The following QSOX2 variants were observed in gnomAD, a reference collection of about 807,000 sequenced individuals.
The protein encoded by QSOX2 is quiescin sulfhydryl oxidase 2.
Under a neutral mutation model 61.7 loss-of-function variants are expected in QSOX2, and 46 were observed. The ratio of observed to expected loss-of-function variants is 0.75; its 90% CI spans 0.59 to 0.95. The LOEUF is 0.95. Ranked by LOEUF, QSOX2 falls within the 40% of genes least tolerant of loss-of-function variation. QSOX2 has a pLI of 0.00. For missense variants in QSOX2, 879 were observed against 918.9 expected, an observed-to-expected ratio of 0.96 and a Z score of 0.56; for synonymous variants, 383 against 388.4, an observed-to-expected ratio of 0.99 and a Z score of 0.16.
rs560443026 is a variant in QSOX2 at position 136,207,482 on chromosome 9, C to A, written c.*1246G>T. The A allele has an allele frequency of 6.6e-6, 1 of 152,332 alleles. No homozygotes were observed. Among genetic ancestry groups the A allele is most frequent in the Non-Finnish European group, 1.5e-5 (1 of 68,016 alleles). The allele number at this position is 152,332 out of a possible 1,614,324, so 9.4% of individuals were successfully genotyped here. A position where few individuals can be genotyped will look rare whatever the true frequency, so the allele number is the denominator to read the frequency against. ...ACACACCAATAGCCACAAAGAATCT[C>A]AATATAAATGTTCCCAGAAATAGTG... On this transcript the variant is annotated 3_prime_UTR_variant, in exon 12 of 12. Transcript: ENST00000358701.
At chr9:136,225,977 G>T (rs1398684864) in intron 2 of QSOX2, among the ~76,000 whole-genome samples, 1 of 152,230 alleles carries the variant, frequency 6.6e-6, no homozygotes, top group African/African-American at 2.4e-5. Flanking sequence ...GAGGCCCTGG[G>T]GCAGGGCTGA....
At chr9:136,239,023 G>C (rs1830413766) in intron 1 of QSOX2, among the ~76,000 whole-genome samples, 1 of 152,212 alleles carries the variant, frequency 6.6e-6, no homozygotes, top group Non-Finnish European at 1.5e-5. Context: ...AGTCTTGGCT[G>C]TCTCGGGTCC....
chr9:136,228,633 C>T (rs895934045), intron 1 of QSOX2, among the ~76,000 whole-genome samples: 2 of 152,180 alleles, frequency 1.3e-5, no homozygotes, highest in Non-Finnish European at 2.9e-5. Context: ...TGGCAGGGCA[C>T]GCCGCACCGT....
intron 1 of QSOX2, among the ~76,000 whole-genome samples, chr9:136,232,923 AAAAAAAAAAAAAAAAGAAAAAAG>A (rs1186132997): frequency 1.4e-5 from 2 of 147,616 alleles, no homozygotes; most frequent in Non-Finnish European, 3.0e-5. Context: ...GTCTCAAAAA[AAAAAAAAAAAAAAAAGAAAAAAG>A]AAAAAAAAAG....
At chr9:136,245,376 G>C in intron 1 of QSOX2, 100 bp downstream of exon 1, 2 of 988,924 alleles carry the variant, frequency 2.0e-6, no homozygotes, top group African/African-American at 1.7e-5. Flanking sequence ...AGAAATACGG[G>C]GGAGGGGCCC....
chr9:136,217,190 G>A (rs371091815), intron 8 of QSOX2, among the ~76,000 whole-genome samples: 47 of 152,394 alleles, frequency 3.1e-4, no homozygotes, highest in African/African-American at 1.1e-3. Flanking sequence ...GGCAGCCGGG[G>A]CTAACTGCCT....
At position 136,232,057 on chromosome 9, in the gene QSOX2, C is replaced by T. The variant is rs185351813; in HGVS notation, c.329-5183G>A. On this transcript the variant is annotated intron_variant, in intron 1 of 11. Transcript: ENST00000358701. ...GAGGAAACTAAGGAAGTCCTCACTT[C>T]GTGTCACTGACAGGCTCCTGGAAAC... 3.0e-4 allele frequency among the ~76,000 whole-genome samples: 46 copies of T among 152,312 alleles called. No individual in the cohort carries two copies. In the East Asian group the frequency reaches 5.2e-3, roughly 17 times the overall value.
rs1830242559 is a variant in QSOX2, at chr9:136,223,191, A to C, written c.675+572T>G. On this transcript the variant is annotated intron_variant, in intron 5 of 11. Coordinates refer to ENST00000358701, the MANE Select transcript of QSOX2 (RefSeq NM_181701.4). This position sits in a 1 kb window ranked among gnomAD's most constrained non-coding sequence, Gnocchi z 4.4. ...AGAAGCTCAGGGTGAGTGCTGGGCGAACGCATGTGCAGTGAGGCCTTTCTC... is the reference window on the plus strand; with the variant it reads ...AGAAGCTCAGGGTGAGTGCTGGGCGCACGCATGTGCAGTGAGGCCTTTCTC... Among the ~76,000 whole-genome samples, 1 of 152,280 alleles carries C rather than the reference A, an allele frequency of 6.6e-6. No homozygotes were observed. Among genetic ancestry groups the C allele is most frequent in the South Asian group, 2.1e-4 (1 of 4,830 alleles).
At position 136,209,634 on chromosome 9, in the gene QSOX2, C is replaced by T. The variant is rs76568639; in HGVS notation, c.1550-359G>A. The T allele has an allele frequency of 1.9e-3, 1,897 of 985,024 alleles. 4 individuals are homozygous for T. Among genetic ancestry groups the T allele is most frequent in the Non-Finnish European group, 2.0e-3 (1,679 of 829,630 alleles). The allele number at this position is 985,024 out of a possible 1,614,324, so 61.0% of individuals were successfully genotyped here. On this transcript the variant is annotated intron_variant, in intron 11 of 11. Transcript: ENST00000358701. This position sits in a 1 kb window ranked among gnomAD's most constrained non-coding sequence, Gnocchi z 5.6. ...CAGCTCTCACCTGGAGGCCTTTCTC[C>T]GCACAGTGCTGCCTGTGTGCCCCTC...
In QSOX2 at chr9:136,221,725, C is replaced by G. The variant is rs1046385755; in HGVS notation, c.821+71G>C. The G allele has an allele frequency of 2.7e-6, 4 of 1,475,236 alleles. No individual in the cohort carries two copies. The highest frequency in any genetic ancestry group is 1.4e-5 in the African/African-American group (1 of 70,824). 91.4% of individuals were successfully genotyped at this position (1,475,236 alleles called of 1,614,324 possible). On this transcript the variant is annotated intron_variant, in intron 6 of 11. Transcript: ENST00000358701. The surrounding 1 kb of genome is among the most constrained non-coding windows in gnomAD (Gnocchi z 4.5). ...CCCCCGATCTCACACCAGACTTGCA[C>G]TGTCTACTCGGAGCCTCTGTCCGGT...
chr9:136,226,682 C>T (rs577585380), intron 2 of QSOX2, 92 bp downstream of exon 2: 14 of 1,036,366 alleles, frequency 1.4e-5, no homozygotes, highest in African/African-American at 1.3e-4. Flanking sequence ...TATGATGTGG[C>T]GAATTTCAAC....
rs1554758425 is a variant in QSOX2, at chr9:136,245,594, G to C, written c.210C>G (p.Ser70Arg). 1.9e-6 allele frequency: 3 copies of C among 1,573,856 alleles called. No individual in the cohort carries two copies. The change falls in exon 1 of 12, where the codon AGC becomes AGG. Residue 70 changes from serine to arginine, a missense_variant. Ser to Arg is a moderately radical substitution (Grantham distance 110). Transcript: ENST00000358701. ...EDAVWVLDSG[S>R]VRGATANSSA... ...AGCTGTTGGCGGTGGCCCCGCGCACGCTGCCGCTGTCCAGCACCCACACGG... is the reference window on the plus strand; with the variant it reads ...AGCTGTTGGCGGTGGCCCCGCGCACCCTGCCGCTGTCCAGCACCCACACGG...
In QSOX2 at chr9:136,223,909, C is replaced by T; in HGVS notation, c.585-56G>A. 10 of 1,585,978 alleles carry T rather than the reference C, an allele frequency of 6.3e-6. No homozygotes were observed. The highest frequency in any genetic ancestry group is 6.9e-6 in the Non-Finnish European group (8 of 1,155,168). On this transcript the variant is annotated intron_variant, in intron 4 of 11. Transcript: ENST00000358701. The surrounding 1 kb of genome is among the most constrained non-coding windows in gnomAD (Gnocchi z 4.4). ...GCCGTCAACAGCAGCGAGTTGGCCA[C>T]CACATCCCAGTGGCCACATCACTTA...
Position 136,245,629 on chromosome 9 carries a change from C to T in QSOX2, c.175G>A (p.Gly59Ser). Reference sequence around the variant, plus strand: ...TCCAGCACCCACACGGCGTCCTCGCCCGCGCGGTACAGCCGCGCCGCACCG... The same window carrying T: ...TCCAGCACCCACACGGCGTCCTCGCTCGCGCGGTACAGCCGCGCCGCACCG... ...AGGAARLYRA[G>S]EDAVWVLDSG... is the part of the protein sequence containing the mutation. Residue 59 changes from glycine (G) to serine (S), a missense_variant, in exon 1 of 12, where the codon GGC becomes AGC. Gly to Ser is a moderately conservative substitution (Grantham distance 56). Transcript: ENST00000358701. The T allele has an allele frequency of 6.7e-7, 1 of 1,499,330 alleles. No homozygotes were observed. The highest frequency in any genetic ancestry group is 8.8e-7 in the Non-Finnish European group (1 of 1,133,526). The allele number at this position is 1,499,330 out of a possible 1,614,324, so 92.9% of individuals were successfully genotyped here.
At chr9:136,237,313 G>A (rs944073889) in intron 1 of QSOX2, among the ~76,000 whole-genome samples, 4 of 141,388 alleles carry the variant, frequency 2.8e-5, no homozygotes, top group Non-Finnish European at 4.6e-5. Flanking sequence ...CCCGTCCTGC[G>A]CCACACCTGG....
rs568000877 is a variant in QSOX2 at position 136,221,999 on chromosome 9, C to A, written c.676-58G>T. The A allele has an allele frequency of 2.0e-6, 3 of 1,489,682 alleles. No homozygotes were observed. The highest frequency in any genetic ancestry group is 2.8e-5 in the South Asian group (2 of 71,816). 92.3% of individuals were successfully genotyped at this position (1,489,682 alleles called of 1,614,324 possible). On this transcript the variant is annotated intron_variant, in intron 5 of 11. Coordinates refer to ENST00000358701, the MANE Select transcript of QSOX2 (RefSeq NM_181701.4). The surrounding 1 kb of genome is among the most constrained non-coding windows in gnomAD (Gnocchi z 4.5). Reference sequence around the variant, plus strand: ...GGGGCTGGCAGTTTCTCAGAAAACACGACGTGCAGACACATGGCCTTGCAG... The same window carrying A: ...GGGGCTGGCAGTTTCTCAGAAAACAAGACGTGCAGACACATGGCCTTGCAG...
At chr9:136,231,267 CGT>C (rs1240072455) in intron 1 of QSOX2, among the ~76,000 whole-genome samples, 5 of 152,178 alleles carry the variant, frequency 3.3e-5, no homozygotes, top group South Asian at 2.1e-4. Context: ...CTCCGACTAG[CGT>C]GTGACCAGAA....
At chr9:136,217,001 C>T (rs1000680803) in intron 8 of QSOX2, among the ~76,000 whole-genome samples, 2 of 152,246 alleles carry the variant, frequency 1.3e-5, no homozygotes, top group Non-Finnish European at 2.9e-5. Context: ...CCCACGGCCT[C>T]GCTCCGGCCA....
rs1831821162 is a variant in QSOX2, at chr9:136,209,579, C to T, written c.1550-304G>A. ...CCCAGACCACACCTGTCCCAAACCA[C>T]CCAGCACTCCACTTCCAAAACGGAG... On this transcript the variant is annotated intron_variant, in intron 11 of 11. Coordinates refer to ENST00000358701, the MANE Select transcript of QSOX2 (RefSeq NM_181701.4). The surrounding 1 kb of genome is among the most constrained non-coding windows in gnomAD (Gnocchi z 5.6). 6 of 985,414 alleles carry T rather than the reference C, an allele frequency of 6.1e-6. No individual in the cohort carries two copies. The highest frequency in any genetic ancestry group is 4.7e-5 in the South Asian group (1 of 21,292). The allele number at this position is 985,414 out of a possible 1,614,324, so 61.0% of individuals were successfully genotyped here.
Sources: allele counts gnomAD v4.1 joint callset (sites outside exome capture counted in the v4.1 genomes callset), GRCh38; gene constraint gnomAD v4.1.1; non-coding constraint Gnocchi (gnomAD v3.1); transcripts MANE v1.5; gene names NCBI Gene and HGNC (gene_info 2026-07-23, HGNC 2026-07-21).